Variants in CNTN5 observed in about 807,000 individuals in gnomAD.
CNTN5 encodes the protein contactin 5, also known as contactin-5.
A neutral mutation model predicts 129.1 loss-of-function variants in CNTN5; 77 were observed. The ratio of observed to expected loss-of-function variants is 0.60; its 90% confidence interval spans 0.50 to 0.72. The LOEUF (loss-of-function observed/expected upper bound fraction) is 0.72. CNTN5 is among the 30% of genes least tolerant of loss of function. The pLI is 0.00. For missense variants in CNTN5, 1,478 were observed against 1,328.8 expected (o/e 1.11, Z -1.75); for synonymous variants, 509 against 465.6 (o/e 1.09, Z -1.20).
intron 2 of CNTN5, among the ~76,000 whole-genome samples, chr11:99,412,577 G>A (rs1253653339): frequency 6.6e-6 from 1 of 152,042 alleles, no homozygotes; most frequent in African/African-American, 2.4e-5. Flanking sequence ...GTTAATAATT[G>A]TTGATATTTA....
At chr11:100,103,938 G>A (rs565264019) in intron 13 of CNTN5, among the ~76,000 whole-genome samples, 49 of 152,206 alleles carry the variant, frequency 3.2e-4, no homozygotes, top group South Asian at 2.5e-3. Flanking sequence ...TTGAAATTAC[G>A]AAATAAGTAG....
At chr11:99,636,463 C>G (rs1028429715) in intron 3 of CNTN5, among the ~76,000 whole-genome samples, 4 of 151,348 alleles carry the variant, frequency 2.6e-5, no homozygotes, top group African/African-American at 9.7e-5. Context: ...TATCAGTGTT[C>G]TAGGAGGCTG....
intron 13 of CNTN5, among the ~76,000 whole-genome samples, chr11:100,104,500 T>C (rs985790744): frequency 6.6e-6 from 1 of 152,180 alleles, no homozygotes; most frequent in Non-Finnish European, 1.5e-5. Context: ...GACTACTTAG[T>C]AGAAACCAAG....
chr11:100,349,371 A>G (rs938348544), intron 23 of CNTN5, among the ~76,000 whole-genome samples: 3 of 151,932 alleles, frequency 2.0e-5, no homozygotes, highest in Non-Finnish European at 2.9e-5. Flanking sequence ...TGAAATACCA[A>G]CCCTTTAACA....
chr11:99,321,278 T>A (rs1258115835), intron 1 of CNTN5, among the ~76,000 whole-genome samples: 2 of 151,444 alleles, frequency 1.3e-5, no homozygotes, highest in Non-Finnish European at 2.9e-5. Flanking sequence ...TCCTACTGGT[T>A]CTGTTTCTCT....
intron 21 of CNTN5, among the ~76,000 whole-genome samples, chr11:100,339,429 C>T (rs1952110721): frequency 6.6e-6 from 1 of 152,088 alleles, no homozygotes; most frequent in South Asian, 2.1e-4. Flanking sequence ...CTCTGAAGTG[C>T]AGCCCTCTCT....
chr11:99,968,422 A>G (rs1308347999), intron 8 of CNTN5, among the ~76,000 whole-genome samples: 2 of 151,538 alleles, frequency 1.3e-5, no homozygotes, highest in South Asian at 2.1e-4. Context: ...TGTGTAGATA[A>G]CATGTTTATT....
chr11:99,371,319 CTA>C (rs1353956459), intron 2 of CNTN5, among the ~76,000 whole-genome samples: 3 of 151,598 alleles, frequency 2.0e-5, no homozygotes, highest in Non-Finnish European at 2.9e-5. Flanking sequence ...TATACATATA[CTA>C]TATATATGAA....
At chr11:99,548,276 A>G (rs1415606262) in intron 2 of CNTN5, among the ~76,000 whole-genome samples, 1 of 152,212 alleles carries the variant, frequency 6.6e-6, no homozygotes, top group Non-Finnish European at 1.5e-5. Flanking sequence ...ACCTTAGACA[A>G]GTTAAATTTC....
intron 1 of CNTN5, among the ~76,000 whole-genome samples, chr11:99,320,446 G>A (rs943743435): frequency 6.6e-6 from 1 of 151,992 alleles, no homozygotes; most frequent in African/African-American, 2.4e-5. Flanking sequence ...AGGAATCCAA[G>A]GGAAAAAAGA....
chr11:99,442,640 T>G (rs1943884288), intron 2 of CNTN5, among the ~76,000 whole-genome samples: 1 of 152,236 alleles, frequency 6.6e-6, no homozygotes, highest in African/African-American at 2.4e-5. Flanking sequence ...TGAATATGTC[T>G]GTGACTCCTG....
intron 21 of CNTN5, among the ~76,000 whole-genome samples, chr11:100,329,305 A>G (rs558759942): frequency 6.6e-6 from 1 of 152,294 alleles, no homozygotes; most frequent in South Asian, 2.1e-4. Context: ...GAGCTCAGAA[A>G]TGGCTATCCC....
intron 3 of CNTN5, among the ~76,000 whole-genome samples, chr11:99,663,498 C>T (rs1164941073): frequency 1.3e-5 from 2 of 152,092 alleles, no homozygotes; most frequent in East Asian, 3.9e-4. Context: ...AAAAAAGAAA[C>T]AAAAAGACAC....
chr11:99,737,511 T>C (rs574711608), intron 3 of CNTN5, among the ~76,000 whole-genome samples: 1 of 152,288 alleles, frequency 6.6e-6, no homozygotes, highest in South Asian at 2.1e-4. Context: ...TTTCTTGGTG[T>C]CTGCTTTTTC....
chr11:100,273,285 G>A (rs192367358), intron 18 of CNTN5, among the ~76,000 whole-genome samples: 366 of 152,110 alleles, frequency 2.4e-3, no homozygotes, highest in African/African-American at 8.3e-3. Context: ...CAGCCGCAGC[G>A]TCCCCGACAT....
intron 4 of CNTN5, among the ~76,000 whole-genome samples, chr11:99,841,233 C>A (rs1947479069): frequency 6.6e-6 from 1 of 152,160 alleles, no homozygotes; most frequent in Admixed American, 6.5e-5. Flanking sequence ...AGATGTCTCA[C>A]AAAGTATGGG....
At chr11:99,906,464 A>G (rs1949509486) in intron 6 of CNTN5, among the ~76,000 whole-genome samples, 1 of 152,078 alleles carries the variant, frequency 6.6e-6, no homozygotes, top group Non-Finnish European at 1.5e-5. Context: ...CATATGTTGA[A>G]CCAGCCTTGA....
rs773630523 is a variant in CNTN5, at chr11:100,070,414, A to C, written c.1163-10A>C. ...GAAATCATCCTTGTTTACTGCTTAC[A>C]TACTTACAGCCTACCCACACTGGGT... On this transcript the variant is annotated splice_polypyrimidine_tract_variant and intron_variant, in intron 10 of 24. Coordinates refer to ENST00000524871, the MANE Select transcript of CNTN5 (RefSeq NM_014361.4). 1.2e-6 allele frequency: 2 copies of C among 1,610,066 alleles called. No homozygotes were observed. Among genetic ancestry groups the C allele is most frequent in the Non-Finnish European group, 1.7e-6 (2 of 1,177,836 alleles).
chr11:99,938,825 C>T (rs1043693960), intron 7 of CNTN5, among the ~76,000 whole-genome samples: 2 of 151,880 alleles, frequency 1.3e-5, no homozygotes, highest in Non-Finnish European at 2.9e-5. Flanking sequence ...GACTGAGGAA[C>T]ATTTAGTAAA....
Sources: allele counts gnomAD v4.1 joint callset (sites outside exome capture counted in the v4.1 genomes callset), GRCh38; gene constraint gnomAD v4.1.1; transcripts MANE v1.5; gene names NCBI Gene and HGNC (gene_info 2026-07-23, HGNC 2026-07-21).